Variants in ASTN2 observed in about 807,000 individuals in gnomAD.
ASTN2 encodes the protein astrotactin-2.
In ASTN2, 54 loss-of-function variants were observed where a neutral mutation model predicts 139.8. The ratio of observed to expected loss-of-function variants is 0.39; its 90% CI spans 0.31 to 0.48. ASTN2 has a LOEUF of 0.48. ASTN2 is among the 20% of genes least tolerant of loss of function. ASTN2 has a pLI of 0.95. For missense variants in ASTN2, 1,565 were observed against 1,725.1 expected, an observed-to-expected ratio of 0.91 and a Z score of 1.64; for synonymous variants, 756 against 719.5, an observed-to-expected ratio of 1.05 and a Z score of -0.81.
intron 19 of ASTN2, chr9:116,547,226 A>G (rs1852135710): frequency 1.3e-5 from 2 of 152,186 alleles, no homozygotes; most frequent in African/African-American, 2.4e-5. Context: ...GTGTTTGGTG[A>G]TAACAGCAAT....
At chr9:117,367,684 T>G (rs1247363994) in intron 1 of ASTN2, among the ~76,000 whole-genome samples, 1 of 152,178 alleles carries the variant, frequency 6.6e-6, no homozygotes, top group Non-Finnish European at 1.5e-5. Flanking sequence ...TGAGCTAGGA[T>G]GGATGCTTTC....
At chr9:117,360,422 G>T (rs1829659604) in intron 1 of ASTN2, among the ~76,000 whole-genome samples, 1 of 152,214 alleles carries the variant, frequency 6.6e-6, no homozygotes. Flanking sequence ...ATGTTATATG[G>T]TGTGAGAATT....
At chr9:117,371,449 C>A (rs1829987823) in intron 1 of ASTN2, among the ~76,000 whole-genome samples, 1 of 152,158 alleles carries the variant, frequency 6.6e-6, no homozygotes, top group South Asian at 2.1e-4. Context: ...GTAAAGTGTC[C>A]TTTCACCTGC....
chr9:117,375,938 TC>T (rs1830110310), intron 1 of ASTN2, among the ~76,000 whole-genome samples: 1 of 152,092 alleles, frequency 6.6e-6, no homozygotes, highest in South Asian at 2.1e-4. Flanking sequence ...AGCCCTCAAG[TC>T]TCTCTGTATG....
chr9:116,980,828 C>G (rs1836491228), intron 7 of ASTN2, among the ~76,000 whole-genome samples: 1 of 152,202 alleles, frequency 6.6e-6, no homozygotes, highest in South Asian at 2.1e-4. Context: ...TGAAAAGCCT[C>G]TGACAGCCAG....
At chr9:117,120,842 G>A (rs1035079995) in intron 4 of ASTN2, among the ~76,000 whole-genome samples, 2 of 152,336 alleles carry the variant, frequency 1.3e-5, no homozygotes, top group East Asian at 1.9e-4. Flanking sequence ...GGATGCATGA[G>A]TGATGGTCTG....
intron 13 of ASTN2, among the ~76,000 whole-genome samples, chr9:116,788,532 G>GT (rs1830441283): frequency 6.6e-6 from 1 of 152,124 alleles, no homozygotes; most frequent in Admixed American, 6.5e-5. Context: ...GAAAGATCCA[G>GT]TAAGTAAGGC....
At chr9:116,689,737 T>C (rs1860469440) in intron 16 of ASTN2, among the ~76,000 whole-genome samples, 1 of 152,118 alleles carries the variant, frequency 6.6e-6, no homozygotes, top group Non-Finnish European at 1.5e-5. Context: ...TCTCTCTGAT[T>C]AGGTAGGGAG....
At chr9:116,756,480 TTC>T (rs1829535185) in intron 13 of ASTN2, among the ~76,000 whole-genome samples, 1 of 152,144 alleles carries the variant, frequency 6.6e-6, no homozygotes, top group African/African-American at 2.4e-5. Flanking sequence ...TATTAATGAT[TTC>T]TGTCATTAAT....
intron 19 of ASTN2, among the ~76,000 whole-genome samples, chr9:116,610,029 AAAG>A (rs1395175250): frequency 6.6e-6 from 1 of 152,168 alleles, no homozygotes; most frequent in Admixed American, 6.5e-5. Flanking sequence ...GAAGATAGAA[AAAG>A]AAGAGAAATA....
intron 19 of ASTN2, among the ~76,000 whole-genome samples, chr9:116,506,068 G>A (rs752768706): frequency 3.8e-4 from 58 of 152,046 alleles, no homozygotes; most frequent in Non-Finnish European, 7.4e-4. Flanking sequence ...TACCATCATT[G>A]CCTCCCAACC....
chr9:117,059,257 A>G (rs1238101663), intron 5 of ASTN2, among the ~76,000 whole-genome samples: 1 of 152,160 alleles, frequency 6.6e-6, no homozygotes, highest in East Asian at 1.9e-4. Context: ...CTGTATCCAA[A>G]CTTTACTCCC....
At chr9:117,161,676 G>A (rs894341939) in intron 3 of ASTN2, among the ~76,000 whole-genome samples, 1 of 152,034 alleles carries the variant, frequency 6.6e-6, no homozygotes, top group African/African-American at 2.4e-5. Flanking sequence ...TTACAGGCAT[G>A]AACCCCTGTG....
rs1839246643 is a variant in ASTN2 at position 117,060,484 on chromosome 9, GGAATGAAA to G, written c.1277-20527_1277-20520del. Among the ~76,000 whole-genome samples, 10 of 57,930 alleles carry G rather than the reference GGAATGAAA, an allele frequency of 1.7e-4. No individual in the cohort carries two copies. The South Asian group carries it at 2.2e-3, about 13-fold the overall frequency. The allele number at this position is 57,930 out of a possible 152,430, so 38.0% of individuals were successfully genotyped here. A position where few individuals can be genotyped will look rare whatever the true frequency, so the allele number is the denominator to read the frequency against. On this transcript the variant is annotated intron_variant, in intron 5 of 22. Transcript: ENST00000313400. Reference sequence around the variant, plus strand: ...AGGAAGGAAGGAAGGAAGGAAGGAAGGAATGAAAGAAAGAAAGAAAGAAAGAAAGGAAG... The same window carrying G: ...AGGAAGGAAGGAAGGAAGGAAGGAAGGAAAGAAAGAAAGAAAGAAAGGAAG...
intron 3 of ASTN2, among the ~76,000 whole-genome samples, chr9:117,153,953 A>C (rs1830379484): frequency 6.6e-6 from 1 of 152,240 alleles, no homozygotes; most frequent in South Asian, 2.1e-4. Context: ...ACTTACCCAT[A>C]ATATGGCTGG....
At chr9:116,564,615 T>C (rs1853090401) in intron 19 of ASTN2, among the ~76,000 whole-genome samples, 1 of 152,214 alleles carries the variant, frequency 6.6e-6, no homozygotes, top group Non-Finnish European at 1.5e-5. Context: ...GTCCCCTGCC[T>C]GGGGTCATTC....
chr9:117,185,645 T>A (rs1192271805), intron 3 of ASTN2, among the ~76,000 whole-genome samples: 2 of 152,144 alleles, frequency 1.3e-5, no homozygotes, highest in African/African-American at 4.8e-5. Flanking sequence ...TATGACAAAT[T>A]CTTTCATGGA....
chr9:116,976,667 C>T, intron 8 of ASTN2, 34 bp downstream of exon 8: 1 of 1,597,234 alleles, frequency 6.3e-7, no homozygotes. Flanking sequence ...GTGGGTCCTG[C>T]ACTGTCCTGG....
intron 19 of ASTN2, among the ~76,000 whole-genome samples, chr9:116,574,780 G>T (rs1564127741): frequency 6.6e-6 from 1 of 152,222 alleles, no homozygotes. Flanking sequence ...TTCATCAGAT[G>T]TATCAGGGCA....
Sources: gnomAD v4.1 joint callset for allele counts (sites outside exome capture counted in the v4.1 genomes callset) on GRCh38, gnomAD v4.1.1 for gene constraint, MANE v1.5 for transcripts, NCBI Gene and HGNC (gene_info 2026-07-23, HGNC 2026-07-21) for gene names.